The following CORIN variants were observed in gnomAD, a reference collection of about 807,000 sequenced individuals.
The protein encoded by CORIN is atrial natriuretic peptide-converting enzyme.
CORIN carries 117 observed loss-of-function variants against 125.3 expected under a neutral mutation model. That is an observed-to-expected ratio of 0.93 (90% CI 0.80 to 1.09). The LOEUF is 1.09. Ranked by LOEUF, CORIN falls within the 50% of genes least tolerant of loss-of-function variation. The pLI, the probability that CORIN is intolerant of heterozygous loss-of-function variation, is 0.00. For synonymous variants in CORIN, 450 were observed against 466.4 expected (o/e 0.96, Z 0.45); for missense variants, 1,253 against 1,306.7 (o/e 0.96, Z 0.63).
chr4:47,780,397 A>G (rs764173818), intron 3 of CORIN, among the ~76,000 whole-genome samples: 1 of 152,218 alleles, frequency 6.6e-6, no homozygotes, highest in Non-Finnish European at 1.5e-5. Context: ...CATATATATC[A>G]TAATCACATT....
intron 5 of CORIN, among the ~76,000 whole-genome samples, chr4:47,723,029 G>C (rs1248838644): frequency 1.3e-5 from 2 of 152,234 alleles, no homozygotes; most frequent in East Asian, 3.9e-4. Flanking sequence ...TCCTTGGTCA[G>C]ACGAATAAGC....
At chr4:47,776,205 T>G (rs1306632477) in intron 3 of CORIN, among the ~76,000 whole-genome samples, 1 of 151,672 alleles carries the variant, frequency 6.6e-6, no homozygotes, top group African/African-American at 2.4e-5. Context: ...TTTGTAGAGA[T>G]AGTTTTGCCA....
intron 16 of CORIN, among the ~76,000 whole-genome samples, chr4:47,640,402 T>C (rs1379503486): frequency 6.6e-6 from 1 of 152,240 alleles, no homozygotes; most frequent in African/African-American, 2.4e-5. Flanking sequence ...TCATGTTGTA[T>C]ATTTCCATTT....
At chr4:47,764,216 A>G (rs1181657916) in intron 3 of CORIN, among the ~76,000 whole-genome samples, 1 of 152,246 alleles carries the variant, frequency 6.6e-6, no homozygotes, top group Non-Finnish European at 1.5e-5. Context: ...ATTTGTATAC[A>G]ATGATCTTGT....
chr4:47,787,526 A>C (rs1280188638), intron 2 of CORIN, among the ~76,000 whole-genome samples: 2 of 151,958 alleles, frequency 1.3e-5, no homozygotes, highest in Non-Finnish European at 2.9e-5. Flanking sequence ...AAAAAAAAAA[A>C]CCTCTAAAGC....
chr4:47,688,040 T>C (rs4273435), intron 6 of CORIN, among the ~76,000 whole-genome samples: 70,170 of 151,974 alleles, frequency 0.46, 18,072 homozygotes, highest in Non-Finnish European at 0.59. Context: ...CCCTCCACTC[T>C]CACAGTTGTG....
chr4:47,743,706 G>A (rs1040073351), intron 5 of CORIN, among the ~76,000 whole-genome samples: 20 of 152,188 alleles, frequency 1.3e-4, no homozygotes, highest in African/African-American at 3.1e-4. Context: ...CCAACATGGC[G>A]AAACCATGTC....
chr4:47,832,645 C>G (rs1388585385), intron 1 of CORIN, among the ~76,000 whole-genome samples: 1 of 151,868 alleles, frequency 6.6e-6, no homozygotes, highest in Non-Finnish European at 1.5e-5. Context: ...TGGTGTTTTG[C>G]CATGTTGGCC....
chr4:47,609,024 T>C (rs1230729702), intron 19 of CORIN, among the ~76,000 whole-genome samples: 1 of 152,152 alleles, frequency 6.6e-6, no homozygotes, highest in Non-Finnish European at 1.5e-5. Context: ...TTAATAAAGT[T>C]AATATTATAA....
At chr4:47,634,896 G>T (rs76318220) in intron 16 of CORIN, among the ~76,000 whole-genome samples, 1 of 152,180 alleles carries the variant, frequency 6.6e-6, no homozygotes. Context: ...CCCAAAGGAA[G>T]GGAGGAATGC....
chr4:47,772,342 C>A (rs1370798285), intron 3 of CORIN, among the ~76,000 whole-genome samples: 1 of 152,154 alleles, frequency 6.6e-6, no homozygotes, highest in Non-Finnish European at 1.5e-5. Flanking sequence ...TATTGAGGCG[C>A]CATTGGCGTG....
intron 1 of CORIN, among the ~76,000 whole-genome samples, chr4:47,824,487 T>C (rs1482593490): frequency 6.6e-6 from 1 of 152,090 alleles, no homozygotes; most frequent in Non-Finnish European, 1.5e-5. Context: ...CTTTTCTTTC[T>C]TTCTTTTTTT....
chr4:47,806,995 G>A lies in CORIN; in HGVS notation c.116C>T (p.Ala39Val), dbSNP rs571200712. ...TAGGAACCGGAGGAGGTTAGCAGTC[G>A]CCAGCTTCTGAGAGCAGCCATTGCC... ...NMGNGCSQKLATANLLRFLLL... is the reference protein window; with the variant it reads ...NMGNGCSQKLVTANLLRFLLL... The change falls in exon 2 of 22, where the codon GCG (alanine) becomes GTG (valine). Residue 39 changes from alanine to valine, a missense_variant. Transcript: ENST00000273857. The A allele has an allele frequency of 7.7e-5, 125 of 1,613,800 alleles. No homozygotes were observed. The highest frequency in any genetic ancestry group is 1.9e-4 in the African/African-American group (14 of 75,036).
At chr4:47,688,128 C>A (rs572867175) in intron 6 of CORIN, among the ~76,000 whole-genome samples, 25 of 152,276 alleles carry the variant, frequency 1.6e-4, no homozygotes, top group African/African-American at 5.8e-4. Context: ...ATACAAACAT[C>A]ACCTGAGTGC....
chr4:47,712,675 A>T lies in CORIN; in HGVS notation c.800-19592T>A, dbSNP rs146113155. Among the ~76,000 whole-genome samples the T allele has an allele frequency of 6.3e-3, 955 of 152,340 alleles. 8 individuals are homozygous for T. Among genetic ancestry groups the T allele is most frequent in the African/African-American group, 0.021 (890 of 41,578 alleles). ...CCACACAGAGAGGGATAAGAGATAA[A>T]TTACTTAAATGTTTACAAATCTCTT... is the stretch of plus-strand genomic sequence containing the variant. On this transcript the variant is annotated intron_variant, in intron 5 of 21. Coordinates refer to ENST00000273857, the MANE Select transcript of CORIN (RefSeq NM_006587.4).
rs369917489 is a variant in CORIN at position 47,778,449 on chromosome 4, G to C, written c.409+8276C>G. On this transcript the variant is annotated intron_variant, in intron 3 of 21. Transcript: ENST00000273857. ...GAAGCCTAGTTCTGCAGATGACTGA[G>C]TTTGCTCTTTCTGGGAGGAACCCAA... 8.5e-5 allele frequency among the ~76,000 whole-genome samples: 13 copies of C among 152,262 alleles called. No homozygotes were observed. In the East Asian group the frequency reaches 1.5e-3, roughly 18 times the overall value.
intron 19 of CORIN, among the ~76,000 whole-genome samples, chr4:47,618,074 C>T (rs1722138655): frequency 6.6e-6 from 1 of 152,158 alleles, no homozygotes; most frequent in Non-Finnish European, 1.5e-5. Flanking sequence ...GTGGCTCATG[C>T]CTGTAATCCC....
intron 19 of CORIN, among the ~76,000 whole-genome samples, chr4:47,617,740 T>C (rs1172282398): frequency 6.6e-6 from 1 of 152,174 alleles, no homozygotes; most frequent in African/African-American, 2.4e-5. Flanking sequence ...CTGGCACAGT[T>C]CATACACTCC....
intron 19 of CORIN, among the ~76,000 whole-genome samples, chr4:47,606,244 G>C (rs531122790): frequency 1.3e-5 from 2 of 152,148 alleles, no homozygotes; most frequent in South Asian, 4.2e-4. Context: ...TAATGTTACA[G>C]AATAATTTCT....
Sources: gnomAD v4.1 joint callset for allele counts (sites outside exome capture counted in the v4.1 genomes callset) on GRCh38, gnomAD v4.1.1 for gene constraint, MANE v1.5 for transcripts, NCBI Gene and HGNC (gene_info 2026-07-23, HGNC 2026-07-21) for gene names.